The following PTPDC1 variants were observed in gnomAD, a reference collection of about 807,000 sequenced individuals.
The protein encoded by PTPDC1 is protein tyrosine phosphatase domain containing 1.
A neutral mutation model predicts 75.3 loss-of-function variants in PTPDC1; 53 were observed. The ratio of observed to expected loss-of-function variants is 0.70; its 90% CI spans 0.56 to 0.88. PTPDC1 has a LOEUF of 0.88. Ranked by LOEUF, PTPDC1 falls within the 40% of genes least tolerant of loss-of-function variation. PTPDC1 has a pLI of 0.00. For missense variants in PTPDC1, 925 were observed against 998.6 expected, an observed-to-expected ratio of 0.93 and a Z score of 0.99; for synonymous variants, 349 against 366.2, an observed-to-expected ratio of 0.95 and a Z score of 0.54.
intron 6 of PTPDC1, 24 bp from the exon 7 acceptor site, chr9:94,101,542 C>T (rs1166412437): frequency 1.9e-6 from 3 of 1,587,276 alleles, no homozygotes; most frequent in Non-Finnish European, 2.6e-6. Flanking sequence ...CTCTGTCTGT[C>T]TGTCTCTTTC....
intron 2 of PTPDC1, among the ~76,000 whole-genome samples, chr9:94,077,689 T>C (rs1826740643): frequency 6.6e-6 from 1 of 152,188 alleles, no homozygotes; most frequent in African/African-American, 2.4e-5. Flanking sequence ...CCTAAGCTTT[T>C]ATTAAGGCTT....
intron 2 of PTPDC1, among the ~76,000 whole-genome samples, chr9:94,076,792 C>T (rs966280562): frequency 9.2e-5 from 14 of 152,134 alleles, no homozygotes; most frequent in Non-Finnish European, 2.1e-4. Context: ...TTTATTTACC[C>T]ACCAGCAGTA....
In PTPDC1 at chr9:94,108,518, T is replaced by A. The variant is rs1267347061; in HGVS notation, c.*574T>A. 2.0e-5 allele frequency: 3 copies of A among 152,642 alleles called. No homozygotes were observed. Among genetic ancestry groups the A allele is most frequent in the Non-Finnish European group, 4.4e-5 (3 of 68,042 alleles). The allele number at this position is 152,642 out of a possible 1,614,324, so 9.5% of individuals were successfully genotyped here. On this transcript the variant is annotated 3_prime_UTR_variant, in exon 9 of 9. Coordinates refer to ENST00000620992, the MANE Select transcript of PTPDC1 (RefSeq NM_001253829.2). The stretch of plus-strand genomic sequence containing the variant: ...TCTTTTTATAAATGTAACAGAGGGT[T>A]TCAAAGCATATTATTTTTCAGAGAG...
At chr9:94,034,421 A>G (rs1208372123) in intron 1 of PTPDC1, among the ~76,000 whole-genome samples, 1 of 152,200 alleles carries the variant, frequency 6.6e-6, no homozygotes, top group African/African-American at 2.4e-5. Flanking sequence ...ACTCCCAGCT[A>G]CTCAGGAAGC....
At chr9:94,040,905 C>A (rs958394847) in intron 1 of PTPDC1, among the ~76,000 whole-genome samples, 17 of 152,164 alleles carry the variant, frequency 1.1e-4, no homozygotes, top group African/African-American at 3.9e-4. Context: ...GCTATTATTT[C>A]TTGAACACTT....
chr9:94,054,162 A>T (rs141331913), intron 1 of PTPDC1, among the ~76,000 whole-genome samples: 3 of 152,334 alleles, frequency 2.0e-5, no homozygotes, highest in African/African-American at 7.2e-5. Flanking sequence ...ACAAATAAAT[A>T]AAGTATATAA....
chr9:94,086,009 C>T (rs578258259), intron 2 of PTPDC1, among the ~76,000 whole-genome samples: 98 of 152,252 alleles, frequency 6.4e-4, no homozygotes, highest in African/African-American at 2.3e-3. Flanking sequence ...TCAAATACAC[C>T]TTTTTGATGT....
At chr9:94,089,045 T>G (rs1827180434) in intron 4 of PTPDC1, among the ~76,000 whole-genome samples, 1 of 151,930 alleles carries the variant, frequency 6.6e-6, no homozygotes, top group Non-Finnish European at 1.5e-5. Flanking sequence ...AATGTCTTTT[T>G]TTTTTCATAT....
intron 2 of PTPDC1, among the ~76,000 whole-genome samples, chr9:94,071,409 C>T (rs1043908510): frequency 2.6e-5 from 4 of 151,686 alleles, no homozygotes; most frequent in Non-Finnish European, 2.9e-5. Context: ...TGCTCTGATA[C>T]GTGGTTTGCA....
At chr9:94,031,203 T>C (rs1278711038) in intron 1 of PTPDC1, 2 of 152,138 alleles carry the variant, frequency 1.3e-5, no homozygotes, top group African/African-American at 4.8e-5. Context: ...CGTCTAGATA[T>C]TAAGTGATGC....
At chr9:94,092,481 G>A (rs1266282059) in intron 4 of PTPDC1, among the ~76,000 whole-genome samples, 4 of 145,456 alleles carry the variant, frequency 2.7e-5, no homozygotes, top group Non-Finnish European at 6.0e-5. Flanking sequence ...TTTTACATTT[G>A]CTGAGGAGAG....
chr9:94,065,757 G>T (rs1192569227), intron 2 of PTPDC1, among the ~76,000 whole-genome samples: 3 of 152,130 alleles, frequency 2.0e-5, no homozygotes, highest in African/African-American at 7.2e-5. Flanking sequence ...AATACTACTG[G>T]TAACTACCAT....
Position 94,101,728 on chromosome 9 carries a change from G to A in PTPDC1, c.2176G>A (p.Glu726Lys). ...GGTTGACAGGCGAGCAGATGCCGCAGAAGCACTTTTTTTATTAGAGAAGGT... is the reference window on the plus strand; with the variant it reads ...GGTTGACAGGCGAGCAGATGCCGCAAAAGCACTTTTTTTATTAGAGAAGGT... ...MLVDRRADAA[E>K]ALFLLEKGQH... The change falls in exon 7 of 9, where the codon GAA becomes AAA. Residue 726 changes from glutamate (E) to lysine (K), a missense_variant. Physicochemically the swap from Glu to Lys is moderately conservative, Grantham distance 56 (BLOSUM62 1). Coordinates refer to ENST00000620992, the MANE Select transcript of PTPDC1 (RefSeq NM_001253829.2). The A allele has an allele frequency of 6.2e-7, 1 of 1,611,158 alleles. No individual in the cohort carries two copies. Among genetic ancestry groups the A allele is most frequent in the Non-Finnish European group, 8.5e-7 (1 of 1,178,292 alleles).
chr9:94,062,406 C>A (rs1826170125), intron 1 of PTPDC1, among the ~76,000 whole-genome samples: 2 of 152,260 alleles, frequency 1.3e-5, no homozygotes, highest in Non-Finnish European at 2.9e-5. Flanking sequence ...ACTCTTCCAA[C>A]CTCTGCCCAT....
At chr9:94,064,352 A>T (rs370759995) in intron 1 of PTPDC1, among the ~76,000 whole-genome samples, 9 of 152,204 alleles carry the variant, frequency 5.9e-5, no homozygotes, top group African/African-American at 1.9e-4. Context: ...AAAGTGACTT[A>T]ATACTGGTGT....
At chr9:94,107,777 T>G (rs1229497096) in intron 8 of PTPDC1, 51 bp from the exon 9 acceptor site, 4 of 1,001,342 alleles carry the variant, frequency 4.0e-6, no homozygotes, top group Non-Finnish European at 5.8e-6. Context: ...AAATAGAAAC[T>G]AGTTCAAATT....
intron 2 of PTPDC1, among the ~76,000 whole-genome samples, chr9:94,065,595 T>G (rs1826277457): frequency 6.6e-6 from 1 of 152,236 alleles, no homozygotes; most frequent in Admixed American, 6.5e-5. Context: ...AAGTCAGTTC[T>G]GTTGTGTTCT....
In PTPDC1 at chr9:94,097,313, CT is replaced by C. The variant is rs752981332; in HGVS notation, c.755-7del. 6.4e-7 allele frequency: 1 copy of C among 1,551,640 alleles called. No individual in the cohort carries two copies. The highest frequency in any genetic ancestry group is 8.8e-7 in the Non-Finnish European group (1 of 1,140,862). On this transcript the variant is annotated splice_polypyrimidine_tract_variant and splice_region_variant and intron_variant, in intron 5 of 8. Coordinates refer to ENST00000620992, the MANE Select transcript of PTPDC1 (RefSeq NM_001253829.2). ...TCTCATACCAGTCTTCTCTTCTTCA[CT>C]GTTTAGGTGTTTTAATAGCCTGTTA... is the stretch of plus-strand genomic sequence containing the variant.
exon 2 of PTPDC1, chr9:94,064,759 C>A: frequency 6.2e-7 from 1 of 1,613,494 alleles, no homozygotes. Flanking sequence ...GGAGTCTTGC[C>A]TCAGAATGAA....
Sources: gnomAD v4.1 joint callset for allele counts (sites outside exome capture counted in the v4.1 genomes callset) on GRCh38, gnomAD v4.1.1 for gene constraint, MANE v1.5 for transcripts, NCBI Gene and HGNC (gene_info 2026-07-23, HGNC 2026-07-21) for gene names.